IFT74: variants seen among roughly 807,000 people sequenced by gnomAD.
IFT74 encodes the protein intraflagellar transport protein 74 homolog.
In IFT74, 92 loss-of-function variants were observed where a neutral mutation model predicts 96.7. The observed-to-expected ratio is 0.95, with a 90% CI of 0.80 to 1.13. IFT74 has a LOEUF of 1.13. IFT74 is among the 50% of genes most tolerant of loss of function. The pLI is 0.00. For missense variants in IFT74, 811 were observed against 698.2 expected, an observed-to-expected ratio of 1.16 and a Z score of -1.82; for synonymous variants, 223 against 213.2, an observed-to-expected ratio of 1.05 and a Z score of -0.40.
chr9:26,992,693 A>G (rs78733118), intron 8 of IFT74, among the ~76,000 whole-genome samples: 3 of 141,704 alleles, frequency 2.1e-5, no homozygotes, highest in Admixed American at 1.4e-4. Flanking sequence ...ACTTTGTCTC[A>G]AAAAAAAAAA....
chr9:27,006,945 T>C (rs747269318), intron 8 of IFT74, among the ~76,000 whole-genome samples: 1 of 146,970 alleles, frequency 6.8e-6, no homozygotes, highest in Admixed American at 6.9e-5. Flanking sequence ...GACGCCATTC[T>C]CCTGCCTCAG....
At chr9:27,008,504 G>C (rs962101651) in intron 8 of IFT74, among the ~76,000 whole-genome samples, 1 of 151,900 alleles carries the variant, frequency 6.6e-6, no homozygotes, top group African/African-American at 2.4e-5. Context: ...GATTACAGGT[G>C]CCCGCCACCA....
intron 8 of IFT74, among the ~76,000 whole-genome samples, chr9:26,990,958 C>A (rs1827838808): frequency 1.3e-5 from 2 of 152,156 alleles, no homozygotes; most frequent in African/African-American, 4.8e-5. Context: ...TATTCTAAGG[C>A]AACACAAACA....
At chr9:27,017,105 A>ATT (rs1829383677) in intron 11 of IFT74, 55 bp downstream of exon 11, 11 of 1,485,498 alleles carry the variant, frequency 7.4e-6, no homozygotes, top group Non-Finnish European at 1.0e-5. Context: ...ACATGTATTG[A>ATT]TTTGTTTTTT....
intron 18 of IFT74, among the ~76,000 whole-genome samples, chr9:27,060,149 A>G (rs577394198): frequency 2.6e-5 from 4 of 152,328 alleles, no homozygotes; most frequent in Admixed American, 1.3e-4. Context: ...GTGGAATTAC[A>G]CAGGAAATTT....
intron 8 of IFT74, among the ~76,000 whole-genome samples, chr9:26,998,541 AT>A (rs779197696): frequency 1.3e-5 from 2 of 152,204 alleles, no homozygotes; most frequent in African/African-American, 2.4e-5. Context: ...ATTCCCATTT[AT>A]ATATGTGGAA....
chr9:26,961,950 G>A lies in IFT74; in HGVS notation c.-18G>A, dbSNP rs111764196. ...GAACTATTTATTGTTTCCAAACAGC[G>A]ATTAAAGTGAAGAAACAATGGCCAG... On this transcript the variant is annotated splice_region_variant and 5_prime_UTR_variant, in exon 2 of 20. Coordinates refer to ENST00000380062, the MANE Select transcript of IFT74 (RefSeq NM_025103.4). The A allele has an allele frequency of 8.1e-6, 13 of 1,613,966 alleles. No individual in the cohort carries two copies. The highest frequency in any genetic ancestry group is 4.5e-5 in the East Asian group (2 of 44,866).
At chr9:27,001,488 A>T (rs970216100) in intron 8 of IFT74, among the ~76,000 whole-genome samples, 9 of 152,164 alleles carry the variant, frequency 5.9e-5, no homozygotes, top group Non-Finnish European at 1.3e-4. Context: ...TGTCATATTG[A>T]TAGAAGCTAC....
upstream of IFT74, among the ~76,000 whole-genome samples, chr9:26,952,367 C>T (rs1463383571): frequency 6.6e-6 from 1 of 151,180 alleles, no homozygotes; most frequent in Non-Finnish European, 1.5e-5. Flanking sequence ...GCCTCTGCCT[C>T]TAGGGTTCAA....
At chr9:26,954,700 C>CA (rs1325323569), upstream of IFT74, among the ~76,000 whole-genome samples, 1 of 150,940 alleles carries the variant, frequency 6.6e-6, no homozygotes, top group Non-Finnish European at 1.5e-5. Flanking sequence ...AGCAGAGGGA[C>CA]AAAGATTCCA....
At chr9:26,964,809 G>A (rs1255493321) in intron 2 of IFT74, among the ~76,000 whole-genome samples, 1 of 152,112 alleles carries the variant, frequency 6.6e-6, no homozygotes, top group Non-Finnish European at 1.5e-5. Flanking sequence ...TATAGACAAT[G>A]AGTGAAACAA....
intron 13 of IFT74, among the ~76,000 whole-genome samples, chr9:27,040,249 T>C (rs1042413073): frequency 1.8e-4 from 27 of 152,188 alleles, no homozygotes; most frequent in African/African-American, 6.3e-4. Flanking sequence ...ATAGAAACCA[T>C]GCCATATAGA....
chr9:27,036,810 GATT>G, intron 13 of IFT74: 1 of 1,077,032 alleles, frequency 9.3e-7, no homozygotes, highest in Middle Eastern at 4.1e-4. Flanking sequence ...AGTGGCGTGT[GATT>G]TACCAAAGTG....
chr9:26,999,669 A>G, intron 8 of IFT74: 2 of 1,609,404 alleles, frequency 1.2e-6, no homozygotes, highest in East Asian at 4.5e-5. Flanking sequence ...GGGCCAAAAG[A>G]GGATTGTGAT....
chr9:27,023,244 AG>A (rs1766943635), intron 12 of IFT74, among the ~76,000 whole-genome samples: 1 of 152,140 alleles, frequency 6.6e-6, no homozygotes, highest in Non-Finnish European at 1.5e-5. Flanking sequence ...TCCAGTTCTT[AG>A]GGGGAATGCT....
At chr9:26,974,896 C>T (rs1259106079) in intron 2 of IFT74, among the ~76,000 whole-genome samples, 3 of 152,204 alleles carry the variant, frequency 2.0e-5, no homozygotes, top group African/African-American at 7.2e-5. Flanking sequence ...GGCTCCCCCT[C>T]CTTGTGGAAC....
intron 19 of IFT74, among the ~76,000 whole-genome samples, chr9:27,061,524 C>T (rs181664076): frequency 2.6e-5 from 4 of 152,100 alleles, no homozygotes; most frequent in Admixed American, 2.6e-4. Context: ...TCAATCCCAC[C>T]TCGGCCTGCT....
At chr9:26,982,646 G>T (rs967933245) in intron 4 of IFT74, among the ~76,000 whole-genome samples, 2 of 151,956 alleles carry the variant, frequency 1.3e-5, no homozygotes, top group Non-Finnish European at 2.9e-5. Flanking sequence ...GTTCAGACGA[G>T]GTTTCTCAAT....
chr9:27,002,317 A>G (rs963639031), intron 8 of IFT74, among the ~76,000 whole-genome samples: 4 of 152,210 alleles, frequency 2.6e-5, no homozygotes, highest in African/African-American at 9.6e-5. Flanking sequence ...GAGACCACCA[A>G]ACAGGCTTTG....
Sources: gnomAD v4.1 joint callset for allele counts (sites outside exome capture counted in the v4.1 genomes callset) on GRCh38, gnomAD v4.1.1 for gene constraint, MANE v1.5 for transcripts, NCBI Gene and HGNC (gene_info 2026-07-23, HGNC 2026-07-21) for gene names.